Variants in TSPAN5 observed in about 807,000 individuals in gnomAD.
TSPAN5 encodes tetraspanin-5.
Under a neutral mutation model 37.1 loss-of-function variants are expected in TSPAN5, and 10 were observed. The observed-to-expected ratio is 0.27, with a 90% CI of 0.17 to 0.46. The LOEUF is 0.46. Ranked by LOEUF, TSPAN5 falls within the 20% of genes least tolerant of loss-of-function variation. The pLI, the probability that TSPAN5 is intolerant of heterozygous loss-of-function variation, is 1.00. For synonymous variants in TSPAN5, 110 were observed against 118.9 expected (o/e 0.93, Z 0.48); for missense variants, 195 against 326.6 (o/e 0.60, Z 3.11).
At chr4:98,609,275 G>T (rs1262997015) in intron 1 of TSPAN5, among the ~76,000 whole-genome samples, 1 of 152,030 alleles carries the variant, frequency 6.6e-6, no homozygotes, top group African/African-American at 2.4e-5. Context: ...TTTGCTGGGG[G>T]TGAGCTCTGG....
chr4:98,570,370 C>T (rs1301740867), intron 1 of TSPAN5, among the ~76,000 whole-genome samples: 2 of 152,172 alleles, frequency 1.3e-5, no homozygotes, highest in African/African-American at 4.8e-5. Flanking sequence ...GGGCCAAAAA[C>T]CAAACCATAC....
chr4:98,625,085 T>C (rs1324168192), intron 1 of TSPAN5, among the ~76,000 whole-genome samples: 1 of 152,194 alleles, frequency 6.6e-6, no homozygotes, highest in Non-Finnish European at 1.5e-5. Context: ...GAGAAAAAGC[T>C]AATAATTGTT....
chr4:98,641,999 G>T (rs1243354468), intron 1 of TSPAN5, among the ~76,000 whole-genome samples: 2 of 152,152 alleles, frequency 1.3e-5, no homozygotes. Context: ...TATTTGTAAG[G>T]TCTCTTTCAA....
chr4:98,554,425 A>C (rs1259998037), intron 1 of TSPAN5, among the ~76,000 whole-genome samples: 1 of 152,216 alleles, frequency 6.6e-6, no homozygotes, highest in East Asian at 1.9e-4. Context: ...TTATGGAGAA[A>C]GCTTATTAAA....
At chr4:98,564,037 G>GAC (rs1337659976) in intron 1 of TSPAN5, among the ~76,000 whole-genome samples, 1 of 152,144 alleles carries the variant, frequency 6.6e-6, no homozygotes, top group Non-Finnish European at 1.5e-5. Flanking sequence ...GCAAAAAGCA[G>GAC]ACACACACAC....
In TSPAN5 at chr4:98,630,721, T is replaced by G. The variant is rs141991668; in HGVS notation, c.81+27425A>C. Among the ~76,000 whole-genome samples the G allele has an allele frequency of 4.7e-3, 718 of 152,326 alleles. 5 individuals are homozygous for G. The highest frequency in any genetic ancestry group is 0.017 in the African/African-American group (694 of 41,568). The stretch of plus-strand genomic sequence containing the variant: ...AGTCCACTTAGATCACAAAAAGTTC[T>G]CTGAGAAAGTATGTGAAGGGCTCTA... On this transcript the variant is annotated intron_variant, in intron 1 of 7. Transcript: ENST00000305798.
intron 1 of TSPAN5, among the ~76,000 whole-genome samples, chr4:98,568,671 A>G (rs1020577455): frequency 3.9e-5 from 6 of 152,170 alleles, no homozygotes; most frequent in Non-Finnish European, 4.4e-5. Flanking sequence ...AAGGGTTTTG[A>G]GGAAAGGAGA....
chr4:98,632,631 TC>T (rs1402251879), intron 1 of TSPAN5, among the ~76,000 whole-genome samples: 3 of 152,144 alleles, frequency 2.0e-5, no homozygotes, highest in African/African-American at 4.8e-5. Flanking sequence ...GACAGCCACT[TC>T]CCTCTGGAAG....
intron 1 of TSPAN5, among the ~76,000 whole-genome samples, chr4:98,636,964 G>C (rs1476821990): frequency 2.0e-5 from 3 of 152,124 alleles, no homozygotes; most frequent in Non-Finnish European, 4.4e-5. Context: ...TCTTAGCCCA[G>C]TCTACAGGAT....
At chr4:98,602,028 G>A (rs1011088595) in intron 1 of TSPAN5, among the ~76,000 whole-genome samples, 6 of 152,152 alleles carry the variant, frequency 3.9e-5, no homozygotes, top group Non-Finnish European at 5.9e-5. Context: ...TTACATGGGC[G>A]TGGTTCATGT....
chr4:98,479,659 A>G (rs1752790807), intron 4 of TSPAN5, among the ~76,000 whole-genome samples: 1 of 152,298 alleles, frequency 6.6e-6, no homozygotes, highest in East Asian at 1.9e-4. Flanking sequence ...CTTTAGGGTT[A>G]AGGCATACTC....
chr4:98,596,675 TTA>T (rs1255855991), intron 1 of TSPAN5, among the ~76,000 whole-genome samples: 1 of 66,126 alleles, frequency 1.5e-5, no homozygotes. Context: ...ATAAAGTATT[TTA>T]TTTCTCCTTC....
intron 3 of TSPAN5, 96 bp from the exon 4 acceptor site, chr4:98,482,271 T>C (rs1012775774): frequency 5.9e-5 from 65 of 1,101,882 alleles, no homozygotes; most frequent in African/African-American, 2.1e-4. Context: ...TGTAATTACA[T>C]TGGATTGTTA....
chr4:98,478,839 T>C lies in TSPAN5; in HGVS notation c.451-29A>G, dbSNP rs186222797. ...GAGCAAACAGGAAAGAATTAGAACA[T>C]CCCAACTTGGAGGCAAGCAGTCACC... On this transcript the variant is annotated intron_variant, in intron 4 of 7. Coordinates refer to ENST00000305798, the MANE Select transcript of TSPAN5 (RefSeq NM_005723.4). 211 of 1,608,862 alleles carry C rather than the reference T, an allele frequency of 1.3e-4. 1 individual carries two copies. The African/African-American group carries it at 2.6e-3, about 20-fold the overall frequency.
intron 1 of TSPAN5, among the ~76,000 whole-genome samples, chr4:98,587,276 T>A (rs1755512894): frequency 6.6e-6 from 1 of 152,172 alleles, no homozygotes; most frequent in Non-Finnish European, 1.5e-5. Context: ...AAAGCCCAGC[T>A]TCCACACGCA....
intron 2 of TSPAN5, among the ~76,000 whole-genome samples, chr4:98,498,923 T>C (rs2110277664): frequency 6.6e-6 from 1 of 152,252 alleles, no homozygotes; most frequent in Non-Finnish European, 1.5e-5. Context: ...GAGTATGTCC[T>C]GGAGAAAACA....
intron 1 of TSPAN5, among the ~76,000 whole-genome samples, chr4:98,569,175 G>T (rs1015278371): frequency 1.3e-5 from 2 of 152,130 alleles, no homozygotes; most frequent in East Asian, 1.9e-4. Context: ...GGCTTCCCAC[G>T]AAGGCCTGAC....
At chr4:98,609,430 C>CT (rs1756127647) in intron 1 of TSPAN5, among the ~76,000 whole-genome samples, 1 of 152,114 alleles carries the variant, frequency 6.6e-6, no homozygotes, top group Admixed American at 6.6e-5. Context: ...CTGCTTGTCC[C>CT]TTTTTGCTGG....
At chr4:98,508,522 CTTTTTTT>C (rs34342433) in intron 1 of TSPAN5, among the ~76,000 whole-genome samples, 1 of 121,930 alleles carries the variant, frequency 8.2e-6, no homozygotes, top group Non-Finnish European at 1.7e-5. Context: ...TACTGTTTTT[CTTTTTTT>C]TTTTTTTTTT....
Sources: gnomAD v4.1 joint callset for allele counts (sites outside exome capture counted in the v4.1 genomes callset) on GRCh38, gnomAD v4.1.1 for gene constraint, MANE v1.5 for transcripts, NCBI Gene and HGNC (gene_info 2026-07-23, HGNC 2026-07-21) for gene names.